The following SLC5A4 variants were observed in gnomAD, a reference collection of about 807,000 sequenced individuals.
The protein encoded by SLC5A4 is solute carrier family 5 member 4, also known as probable glucose sensor protein SLC5A4.
In SLC5A4, 55 loss-of-function variants were observed where a neutral mutation model predicts 70.3. The observed-to-expected ratio is 0.78, with a 90% confidence interval of 0.63 to 0.98. SLC5A4 has a LOEUF of 0.98. Ranked by LOEUF, SLC5A4 falls within the 50% of genes least tolerant of loss-of-function variation. The pLI, the probability that SLC5A4 is intolerant of heterozygous loss-of-function variation, is 0.00. For missense variants in SLC5A4, 735 were observed against 839.2 expected (o/e 0.88, Z 1.53); for synonymous variants, 268 against 305.7 (o/e 0.88, Z 1.29).
chr22:32,267,666 C>T, the SLC5A4 span, among the ~76,000 whole-genome samples: 1 of 152,116 alleles, frequency 6.6e-6, no homozygotes, highest in Non-Finnish European at 1.5e-5. Flanking sequence ...TTCTTAACAA[C>T]ATCATTTACA....
At chr22:32,337,128 G>A in the SLC5A4 span, among the ~76,000 whole-genome samples, 1,858 of 152,284 alleles carry the variant, frequency 0.012, 44 homozygotes, top group African/African-American at 0.042. Context: ...CTGGGGAAGG[G>A]CCAGGAGCTG....
Position 32,237,954 on chromosome 22 carries a change from C to T in SLC5A4, c.584-630G>A, listed in dbSNP as rs138612385. 2.4e-4 allele frequency among the ~76,000 whole-genome samples: 36 copies of T among 152,234 alleles called. No individual in the cohort carries two copies. The East Asian group carries it at 6.9e-3, about 29-fold the overall frequency. On this transcript the variant is annotated intron_variant, in intron 6 of 14. Coordinates refer to ENST00000266086, the MANE Select transcript of SLC5A4 (RefSeq NM_014227.3). Reference sequence around the variant, plus strand: ...CTCATGCCCTTATTGCTCCCTTATTCTGAAACACATGCTCTGTGAAAGTTG... The same window carrying T: ...CTCATGCCCTTATTGCTCCCTTATTTTGAAACACATGCTCTGTGAAAGTTG...
chr22:32,218,501 G>C lies in SLC5A4; in HGVS notation c.*13C>G, dbSNP rs543149144. On this transcript the variant is annotated 3_prime_UTR_variant, in exon 15 of 15. Transcript: ENST00000266086. Reference sequence around the variant, plus strand: ...TTAAGAATTATTCATTATTCTAATGGCTCAGATAGAGTTCAGGCATAGTAG... The same window carrying C: ...TTAAGAATTATTCATTATTCTAATGCCTCAGATAGAGTTCAGGCATAGTAG... The C allele has an allele frequency of 1.3e-5, 20 of 1,531,076 alleles. No homozygotes were observed. The East Asian group carries it at 4.6e-4, about 35-fold the overall frequency. The allele number at this position is 1,531,076 out of a possible 1,614,324, so 94.8% of individuals were successfully genotyped here. A position where few individuals can be genotyped will look rare whatever the true frequency, so the allele number is the denominator to read the frequency against.
the SLC5A4 span, among the ~76,000 whole-genome samples, chr22:32,321,128 A>G: frequency 6.6e-6 from 1 of 152,210 alleles, no homozygotes; most frequent in Non-Finnish European, 1.5e-5. Context: ...TCTACTAAAA[A>G]CACAAAAATA....
intron 5 of SLC5A4, among the ~76,000 whole-genome samples, chr22:32,242,407 G>A (rs902874745): frequency 6.6e-6 from 1 of 152,042 alleles, no homozygotes; most frequent in Non-Finnish European, 1.5e-5. Flanking sequence ...GGCCAAATGT[G>A]GTGTAAGTAT....
At chr22:32,300,259 T>A in the SLC5A4 span, among the ~76,000 whole-genome samples, 2 of 146,500 alleles carry the variant, frequency 1.4e-5, no homozygotes, top group African/African-American at 5.1e-5. Flanking sequence ...CAAGCCTCGC[T>A]GCTGCCTTGC....
At chr22:32,262,599 T>C in the SLC5A4 span, among the ~76,000 whole-genome samples, 3 of 152,136 alleles carry the variant, frequency 2.0e-5, no homozygotes, top group Non-Finnish European at 1.5e-5. Flanking sequence ...CAGTTCCAGG[T>C]CTGTTGTTTC....
At chr22:32,335,981 A>G in the SLC5A4 span, among the ~76,000 whole-genome samples, 1 of 152,222 alleles carries the variant, frequency 6.6e-6, no homozygotes, top group African/African-American at 2.4e-5. Flanking sequence ...ACAAGCATCT[A>G]TTCTTGGAAG....
At chr22:32,289,489 C>T in the SLC5A4 span, among the ~76,000 whole-genome samples, 12 of 152,158 alleles carry the variant, frequency 7.9e-5, no homozygotes, top group African/African-American at 2.9e-4. Flanking sequence ...CGCTCCTCTC[C>T]TTTCTGGTTT....
chr22:32,294,636 G>A, the SLC5A4 span, among the ~76,000 whole-genome samples: 3 of 147,924 alleles, frequency 2.0e-5, no homozygotes, highest in Admixed American at 1.4e-4. Flanking sequence ...ATCATTTTAA[G>A]AGTATTATAT....
At chr22:32,286,420 T>C in the SLC5A4 span, among the ~76,000 whole-genome samples, 2 of 152,212 alleles carry the variant, frequency 1.3e-5, no homozygotes, top group Non-Finnish European at 2.9e-5. Flanking sequence ...GTTGAGATTG[T>C]GGAGACACAA....
At chr22:32,329,278 C>T in the SLC5A4 span, among the ~76,000 whole-genome samples, 3 of 152,196 alleles carry the variant, frequency 2.0e-5, no homozygotes, top group African/African-American at 4.8e-5. Context: ...CATCTCCACC[C>T]GCCTCAGTTT....
At chr22:32,317,386 T>C in the SLC5A4 span, among the ~76,000 whole-genome samples, 1 of 152,020 alleles carries the variant, frequency 6.6e-6, no homozygotes, top group Non-Finnish European at 1.5e-5. Flanking sequence ...TAGCAATAAA[T>C]AGATGAAAAC....
the SLC5A4 span, among the ~76,000 whole-genome samples, chr22:32,312,612 G>C: frequency 3.3e-4 from 50 of 152,066 alleles, no homozygotes; most frequent in Middle Eastern, 6.8e-3. Flanking sequence ...AGGTGGCTCA[G>C]AATCCCCTCC....
the SLC5A4 span, among the ~76,000 whole-genome samples, chr22:32,352,239 A>T: frequency 8.0e-6 from 1 of 124,994 alleles, no homozygotes; most frequent in African/African-American, 3.0e-5. Flanking sequence ...GTACACAGGA[A>T]GGGGGACATC....
At chr22:32,305,378 T>C in the SLC5A4 span, among the ~76,000 whole-genome samples, 2 of 133,750 alleles carry the variant, frequency 1.5e-5, no homozygotes, top group Admixed American at 8.7e-5. Flanking sequence ...CTTGTGTACC[T>C]GCTGATCTCT....
chr22:32,301,590 T>C, the SLC5A4 span, among the ~76,000 whole-genome samples: 72,733 of 151,874 alleles, frequency 0.48, 17,562 homozygotes, highest in Admixed American at 0.51. Context: ...TGACAATACT[T>C]ACCAAATTGA....
chr22:32,345,153 A>G, the SLC5A4 span, among the ~76,000 whole-genome samples: 1 of 152,184 alleles, frequency 6.6e-6, no homozygotes, highest in Non-Finnish European at 1.5e-5. Flanking sequence ...AGAACATTTA[A>G]AAAACAATAT....
the SLC5A4 span, among the ~76,000 whole-genome samples, chr22:32,276,513 C>T: frequency 1.3e-5 from 2 of 152,152 alleles, no homozygotes; most frequent in African/African-American, 4.8e-5. Flanking sequence ...ATTGCAATAG[C>T]TCCATTTGCA....
Sources: gnomAD v4.1 joint callset for allele counts (sites outside exome capture counted in the v4.1 genomes callset) on GRCh38, gnomAD v4.1.1 for gene constraint, MANE v1.5 for transcripts, NCBI Gene and HGNC (gene_info 2026-07-23, HGNC 2026-07-21) for gene names.